The following TPP2 variants were observed in gnomAD, a reference collection of about 807,000 sequenced individuals.
The protein encoded by TPP2 is tripeptidyl-peptidase 2.
A neutral mutation model predicts 155.9 loss-of-function variants in TPP2; 34 were observed. The ratio of observed to expected loss-of-function variants is 0.22; its 90% CI spans 0.17 to 0.29. The LOEUF is 0.29. Among genes scored for constraint, TPP2 ranks in the 10% least tolerant of loss-of-function variants. The probability of loss-of-function intolerance (pLI) is 1.00; values close to 1 mark genes in which losing one functional copy is unlikely to be tolerated. For synonymous variants in TPP2, 510 were observed against 529.4 expected (o/e 0.96, Z 0.50); for missense variants, 1,028 against 1,522.3 (o/e 0.68, Z 5.40).
chr13:102,605,731 T>G (rs1006955390), intron 2 of TPP2, among the ~76,000 whole-genome samples: 5 of 151,520 alleles, frequency 3.3e-5, no homozygotes, highest in Non-Finnish European at 7.4e-5. Flanking sequence ...TTTTTTTCTT[T>G]TTTTTTTCGA....
intron 27 of TPP2, among the ~76,000 whole-genome samples, chr13:102,668,040 C>A (rs991829446): frequency 1.3e-5 from 2 of 152,110 alleles, no homozygotes; most frequent in African/African-American, 4.8e-5. Context: ...CATTGTCGAC[C>A]CCCAAGTAGA....
intron 19 of TPP2, among the ~76,000 whole-genome samples, chr13:102,645,636 G>C (rs1883049386): frequency 6.6e-6 from 1 of 152,130 alleles, no homozygotes; most frequent in Non-Finnish European, 1.5e-5. Context: ...AAAACATCCA[G>C]CTTTTGAAGA....
rs1447275702 is a variant in TPP2 at position 102,637,211 on chromosome 13, G to A, written c.1808G>A (p.Gly603Asp). ...ATAAACATACGTGTGGATCCCAGGG[G>A]CTTAAGAGAAGGATTGCATTATACA... The part of the protein sequence containing the change: ...RHINIRVDPR[G>D]LREGLHYTEV... Residue 603 changes from glycine (G) to aspartate (D), a missense_variant, in exon 14 of 30, where the codon GGC (glycine) becomes GAC (aspartate). By Grantham distance (94) the Gly-to-Asp change is moderately conservative. This residue lies in a region of TPP2 where 325 missense variants were observed against 463.7 expected (regional missense o/e 0.70). Coordinates refer to ENST00000376052, the MANE Select transcript of TPP2 (RefSeq NM_001330588.2). 1 of 1,606,632 alleles carries A rather than the reference G, an allele frequency of 6.2e-7. No homozygotes were observed. The highest frequency in any genetic ancestry group is 8.5e-7 in the Non-Finnish European group (1 of 1,178,884).
At position 102,631,898 on chromosome 13, in the gene TPP2, C is replaced by G. The variant is rs142539565; in HGVS notation, c.1244+1703C>G. Among the ~76,000 whole-genome samples, 98 of 152,370 alleles carry G rather than the reference C, an allele frequency of 6.4e-4. 1 individual carries two copies. The East Asian group carries it at 0.013, about 20-fold the overall frequency. ...CTGCATCAGCATTGACTGAGACACA[C>G]AGCAACTACTGACTTCCAGGCATTT... is the stretch of plus-strand genomic sequence containing the variant. On this transcript the variant is annotated intron_variant, in intron 10 of 29. Transcript: ENST00000376052.
At chr13:102,610,670 C>A (rs540212958) in intron 2 of TPP2, among the ~76,000 whole-genome samples, 1 of 152,204 alleles carries the variant, frequency 6.6e-6, no homozygotes, top group African/African-American at 2.4e-5. Flanking sequence ...GCCTCATTCT[C>A]TAAGGATGAT....
At chr13:102,619,564 C>T (rs1209635582) in intron 5 of TPP2, among the ~76,000 whole-genome samples, 1 of 152,206 alleles carries the variant, frequency 6.6e-6, no homozygotes, top group Non-Finnish European at 1.5e-5. Context: ...CATGCCATGA[C>T]TGCTTCCTCA....
chr13:102,646,227 T>C, intron 19 of TPP2, 67 bp from the exon 20 acceptor site: 1 of 1,338,716 alleles, frequency 7.5e-7, no homozygotes, highest in Non-Finnish European at 1.0e-6. Context: ...TTTTGTTGCA[T>C]ATGGTTTTAT....
chr13:102,640,417 T>G (rs1381295595), intron 16 of TPP2, 41 bp downstream of exon 16: 1 of 1,480,770 alleles, frequency 6.8e-7, no homozygotes, highest in East Asian at 2.3e-5. Flanking sequence ...TATCTCTGTT[T>G]ACGTTCTAAT....
rs963036867 is a variant in TPP2 at position 102,651,290 on chromosome 13, A to G, written c.2953-69A>G. ...GGAACATAAACTGAAAGACAATTAGACAGAGGTTCTGTCTCCATCCTGTGT... is the reference window on the plus strand; with the variant it reads ...GGAACATAAACTGAAAGACAATTAGGCAGAGGTTCTGTCTCCATCCTGTGT... On this transcript the variant is annotated intron_variant, in intron 23 of 29. Coordinates refer to ENST00000376052, the MANE Select transcript of TPP2 (RefSeq NM_001330588.2). The G allele has an allele frequency of 1.3e-5, 19 of 1,516,734 alleles. No homozygotes were observed. The African/African-American group carries it at 2.2e-4, about 18-fold the overall frequency. 94.0% of individuals were successfully genotyped at this position (1,516,734 alleles called of 1,614,324 possible). A position where few individuals can be genotyped will look rare whatever the true frequency, so the allele number is the denominator to read the frequency against.
rs113688506 is a variant in TPP2 at position 102,641,610 on chromosome 13, C to CA, written c.2020+1234_2020+1235insA. Among the ~76,000 whole-genome samples the CA allele has an allele frequency of 8.9e-3, 1,353 of 152,214 alleles. 20 individuals are homozygous for CA. The highest frequency in any genetic ancestry group is 0.031 in the African/African-American group (1,279 of 41,538). On this transcript the variant is annotated intron_variant, in intron 16 of 29. Coordinates refer to ENST00000376052, the MANE Select transcript of TPP2 (RefSeq NM_001330588.2). ...TGTATTTGGTTCCCCATACCATTTT[C>CA]TGGTCATCTATCTGTATGCTGTCCA...
chr13:102,615,702 C>G (rs772050807), intron 3 of TPP2, among the ~76,000 whole-genome samples: 6 of 152,176 alleles, frequency 3.9e-5, no homozygotes, highest in Non-Finnish European at 7.3e-5. Context: ...TAGTCTTACT[C>G]TAGTCCTCTG....
chr13:102,640,500 T>A, intron 16 of TPP2, 124 bp downstream of exon 16: 1 of 702,556 alleles, frequency 1.4e-6, no homozygotes, highest in Admixed American at 2.8e-5. Context: ...TTTGGGTACC[T>A]TAGACTTTCT....
At chr13:102,673,109 A>G (rs1327889432) in intron 27 of TPP2, among the ~76,000 whole-genome samples, 1 of 152,186 alleles carries the variant, frequency 6.6e-6, no homozygotes. Flanking sequence ...GTCTTGGGCA[A>G]TGTTTCAGCA....
In TPP2 at chr13:102,622,558, C is replaced by T. The variant is rs116021117; in HGVS notation, c.621-319C>T. ...GTTAGACCTAGGCCATGTGTCTGAA[C>T]TATCCTAAACTGCTCTAAAACTCTA... On this transcript the variant is annotated intron_variant, in intron 5 of 29. Transcript: ENST00000376052. Among the ~76,000 whole-genome samples the T allele has an allele frequency of 5.2e-3, 798 of 152,322 alleles. 6 individuals are homozygous for T. The highest frequency in any genetic ancestry group is 0.018 in the African/African-American group (744 of 41,568).
intron 6 of TPP2, among the ~76,000 whole-genome samples, chr13:102,626,087 A>G (rs1881599251): frequency 6.6e-6 from 1 of 152,068 alleles, no homozygotes; most frequent in South Asian, 2.1e-4. Flanking sequence ...ACATAATGAA[A>G]CTCCCATCAT....
intron 2 of TPP2, chr13:102,607,695 T>C (rs1879949707): frequency 6.7e-6 from 3 of 444,824 alleles, no homozygotes; most frequent in South Asian, 4.8e-5. Flanking sequence ...CAAGTGATTC[T>C]TCTGCCTCAG....
At chr13:102,674,775 TAAG>T (rs1273740009) in intron 28 of TPP2, among the ~76,000 whole-genome samples, 3 of 152,226 alleles carry the variant, frequency 2.0e-5, no homozygotes, top group Non-Finnish European at 4.4e-5. Flanking sequence ...GTAGCTAAAT[TAAG>T]AAAGTCTTCT....
chr13:102,622,715 T>TA (rs1881250966), intron 5 of TPP2, among the ~76,000 whole-genome samples, 162 bp from the exon 6 acceptor site: 2 of 152,214 alleles, frequency 1.3e-5, no homozygotes, highest in African/African-American at 4.8e-5. Context: ...ACCTAATCCT[T>TA]ACTGCCCACT....
chr13:102,632,408 A>G (rs1882078924), intron 10 of TPP2, among the ~76,000 whole-genome samples: 1 of 151,550 alleles, frequency 6.6e-6, no homozygotes, highest in Non-Finnish European at 1.5e-5. Flanking sequence ...CACCGGGTTA[A>G]TTTTTGTATT....
Sources: gnomAD v4.1 joint callset for allele counts (sites outside exome capture counted in the v4.1 genomes callset) on GRCh38, gnomAD v4.1.1 for gene constraint, gnomAD v4.1.1 regional missense constraint, MANE v1.5 for transcripts, NCBI Gene and HGNC (gene_info 2026-07-23, HGNC 2026-07-21) for gene names.